Variants in SLC28A1 observed in about 807,000 individuals in gnomAD.
The protein encoded by SLC28A1 is sodium/nucleoside cotransporter 1.
Under a neutral mutation model 74.8 loss-of-function variants are expected in SLC28A1, and 64 were observed. The ratio of observed to expected loss-of-function variants is 0.86; its 90% CI spans 0.70 to 1.05. SLC28A1 has a LOEUF of 1.05. Ranked by LOEUF, SLC28A1 falls within the 50% of genes least tolerant of loss-of-function variation. The pLI, the probability that SLC28A1 is intolerant of heterozygous loss-of-function variation, is 0.00. For missense variants in SLC28A1, 828 were observed against 822.8 expected, an observed-to-expected ratio of 1.01 and a Z score of -0.08; for synonymous variants, 359 against 335.0, an observed-to-expected ratio of 1.07 and a Z score of -0.78.
chr15:84,965,082 C>T, the SLC28A1 span, among the ~76,000 whole-genome samples: 6 of 152,162 alleles, frequency 3.9e-5, no homozygotes, highest in African/African-American at 1.2e-4. Flanking sequence ...CATAACCCCA[C>T]GTGTCATGGG....
Position 84,944,859 on chromosome 15 carries a change from C to A in SLC28A1, c.1866C>A (p.Ala622=), listed in dbSNP as rs761172769. ...AGATTTACCAGTGCTGCCGTGAGGC[C>A]TTCCAGAGGTGAGGGCCTGGGCTGT... ...SFEIYQCCRE[A]FQSVNPEFSP... is the part of the protein sequence containing the mutation. Residue 622 remains alanine, a synonymous_variant, in exon 18 of 19, where the codon GCC becomes GCA. Coordinates refer to ENST00000394573, the MANE Select transcript of SLC28A1 (RefSeq NM_004213.5). 1.2e-6 allele frequency: 2 copies of A among 1,610,684 alleles called. No individual in the cohort carries two copies. The highest frequency in any genetic ancestry group is 1.7e-6 in the Non-Finnish European group (2 of 1,177,032).
intron 5 of SLC28A1, 144 bp downstream of exon 5, chr15:84,890,678 T>C: frequency 1.4e-6 from 1 of 720,742 alleles, no homozygotes. Flanking sequence ...TGCTGGGTAC[T>C]GAGGCATCTG....
Position 84,933,204 on chromosome 15 carries a change from C to G in SLC28A1, c.1143C>G (p.Leu381=). ...TGGCTGCCCCTTGTGCCTTGGCCCT[C>G]TCCAAGCTGGTCTACCCGGAGGTGG... ...SVMAAPCALA[L]SKLVYPEVEE... Residue 381 remains leucine, a synonymous_variant, in exon 13 of 19, where the codon CTC becomes CTG. Coordinates refer to ENST00000394573, the MANE Select transcript of SLC28A1 (RefSeq NM_004213.5). The G allele has an allele frequency of 1.2e-6, 2 of 1,613,850 alleles. No homozygotes were observed. The highest frequency in any genetic ancestry group is 8.5e-7 in the Non-Finnish European group (1 of 1,179,918).
intron 5 of SLC28A1, among the ~76,000 whole-genome samples, chr15:84,894,428 A>G (rs1596214793): frequency 6.6e-6 from 1 of 151,324 alleles, no homozygotes; most frequent in Non-Finnish European, 1.5e-5. Flanking sequence ...ATCCATTCTT[A>G]TGTGTCTTTC....
chr15:84,910,067 C>T (rs568268904), intron 9 of SLC28A1, among the ~76,000 whole-genome samples: 2 of 152,296 alleles, frequency 1.3e-5, no homozygotes, highest in East Asian at 3.9e-4. Flanking sequence ...CCCCTTGGAG[C>T]CTTAGCATCT....
Position 84,909,070 on chromosome 15 carries a change from G to A in SLC28A1, c.795+275G>A, listed in dbSNP as rs180878524. On this transcript the variant is annotated intron_variant, in intron 9 of 18. Coordinates refer to ENST00000394573, the MANE Select transcript of SLC28A1 (RefSeq NM_004213.5). ...TTTAGAGATGAACCTCCAAATTATA[G>A]AATTACTGAGTAGCTGAGGACAAGA... Among the ~76,000 whole-genome samples the A allele has an allele frequency of 2.4e-4, 37 of 152,074 alleles. 1 individual carries two copies. The East Asian group carries it at 6.4e-3, about 26-fold the overall frequency.
intron 6 of SLC28A1, among the ~76,000 whole-genome samples, chr15:84,896,981 G>C (rs890234623): frequency 3.3e-5 from 5 of 152,120 alleles, no homozygotes; most frequent in African/African-American, 1.2e-4. Flanking sequence ...AAGAGGAGGT[G>C]GTGACCACCA....
intron 5 of SLC28A1, among the ~76,000 whole-genome samples, chr15:84,892,352 G>T (rs551327981): frequency 3.3e-5 from 5 of 152,252 alleles, no homozygotes; most frequent in East Asian, 1.9e-4. Context: ...CTGAGATGGG[G>T]TGGGTCCATG....
chr15:84,933,121 G>C, intron 12 of SLC28A1, 24 bp from the exon 13 acceptor site: 1 of 1,611,858 alleles, frequency 6.2e-7, no homozygotes, highest in African/African-American at 1.3e-5. Flanking sequence ...TGTCCACCTA[G>C]AACCTGCACT....
chr15:84,974,835 G>A, the SLC28A1 span, among the ~76,000 whole-genome samples: 19 of 152,072 alleles, frequency 1.2e-4, no homozygotes, highest in Admixed American at 7.9e-4. Context: ...ACCAAGACTC[G>A]GTTCCCTGGA....
chr15:84,966,172 G>A, the SLC28A1 span, among the ~76,000 whole-genome samples: 1 of 152,102 alleles, frequency 6.6e-6, no homozygotes. Flanking sequence ...CCACCTCCCA[G>A]GTTGAAGCGA....
At chr15:84,939,580 C>T (rs1972399755) in intron 15 of SLC28A1, 1 of 152,012 alleles carries the variant, frequency 6.6e-6, no homozygotes, top group Non-Finnish European at 1.5e-5. Flanking sequence ...TCTGTTATTG[C>T]CCTTTATGTT....
In SLC28A1 at chr15:84,943,453, T is replaced by C. The variant is rs766458086; in HGVS notation, c.1590T>C (p.Ala530=). The part of the protein sequence containing the change: ...GDRKQWISVR[A]EVLTTFALCG... ...ATCTTCTGTATTTTCAGGTCAGAGC[T>C]GAAGTCCTCACGACGTTTGCCCTCT... The change falls in exon 16 of 19, where the codon GCT becomes GCC. Residue 530 remains alanine, a synonymous_variant. Coordinates refer to ENST00000394573, the MANE Select transcript of SLC28A1 (RefSeq NM_004213.5). The C allele has an allele frequency of 6.2e-7, 1 of 1,613,708 alleles. No individual in the cohort carries two copies. The highest frequency in any genetic ancestry group is 2.2e-5 in the East Asian group (1 of 44,866).
In SLC28A1 at chr15:84,911,244, G is replaced by A. The variant is rs563624548; in HGVS notation, c.795+2449G>A. 3.8e-4 allele frequency among the ~76,000 whole-genome samples: 58 copies of A among 152,328 alleles called. No homozygotes were observed. In the South Asian group the frequency reaches 4.1e-3, roughly 11 times the overall value. On this transcript the variant is annotated intron_variant, in intron 9 of 18. Transcript: ENST00000394573. ...TCCCAGCCTGCCTCCCTCTCTGGAA[G>A]GATGTGTACACACCTGCTGCTTGCA...
At chr15:84,942,290 A>G (rs1440491128) in intron 15 of SLC28A1, among the ~76,000 whole-genome samples, 1 of 152,142 alleles carries the variant, frequency 6.6e-6, no homozygotes, top group Non-Finnish European at 1.5e-5. Context: ...CAAACAATCC[A>G]ATTATACTCT....
At chr15:84,946,112 AT>A (rs1165709632), downstream of SLC28A1, among the ~76,000 whole-genome samples, 82 of 13,460 alleles carry the variant, frequency 6.1e-3, no homozygotes, top group South Asian at 0.012. Flanking sequence ...ATATATATAT[AT>A]TTTTTTTTTT....
intron 8 of SLC28A1, among the ~76,000 whole-genome samples, chr15:84,908,340 T>C (rs1400266426): frequency 6.6e-6 from 1 of 151,838 alleles, no homozygotes; most frequent in African/African-American, 2.4e-5. Flanking sequence ...CCCACCACCA[T>C]GCTCAGGTAA....
At chr15:84,937,781 G>C (rs1972115621) in intron 15 of SLC28A1, among the ~76,000 whole-genome samples, 1 of 152,084 alleles carries the variant, frequency 6.6e-6, no homozygotes. Flanking sequence ...TGTGTCTGTA[G>C]TCCCAGTCCT....
the SLC28A1 span, among the ~76,000 whole-genome samples, chr15:84,961,106 G>A: frequency 3.9e-4 from 59 of 152,224 alleles, 1 homozygote; most frequent in South Asian, 0.011. Flanking sequence ...TATCACCTCC[G>A]AACTCGTAGG....
Sources: gnomAD v4.1 joint callset for allele counts (sites outside exome capture counted in the v4.1 genomes callset) on GRCh38, gnomAD v4.1.1 for gene constraint, MANE v1.5 for transcripts, NCBI Gene and HGNC (gene_info 2026-07-23, HGNC 2026-07-21) for gene names.